PPARGC1A: variants seen among roughly 807,000 people sequenced by gnomAD.
PPARGC1A encodes PPARG coactivator 1 alpha.
Under a neutral mutation model 88.7 loss-of-function variants are expected in PPARGC1A, and 25 were observed. The ratio of observed to expected loss-of-function variants is 0.28; its 90% confidence interval spans 0.21 to 0.39. The LOEUF (loss-of-function observed/expected upper bound fraction) is 0.39. Ranked by LOEUF, PPARGC1A falls within the 10% of genes least tolerant of loss-of-function variation. The pLI is 1.00. For synonymous variants in PPARGC1A, 363 were observed against 355.6 expected (o/e 1.02, Z -0.24); for missense variants, 880 against 968.7 (o/e 0.91, Z 1.22).
At chr4:23,846,413 T>A (rs531005060) in intron 2 of PPARGC1A, among the ~76,000 whole-genome samples, 1 of 152,206 alleles carries the variant, frequency 6.6e-6, no homozygotes, top group Non-Finnish European at 1.5e-5. Flanking sequence ...TATACCATGT[T>A]GCTTATCAGG....
chr4:24,458,006 GA>G, the PPARGC1A span, among the ~76,000 whole-genome samples: 12 of 151,936 alleles, frequency 7.9e-5, no homozygotes, highest in Admixed American at 1.3e-4. Flanking sequence ...TGGAAGGAAA[GA>G]AAAAAAGGCT....
chr4:24,024,517 C>T, the PPARGC1A span, among the ~76,000 whole-genome samples: 3 of 152,108 alleles, frequency 2.0e-5, no homozygotes, highest in South Asian at 2.1e-4. Context: ...TGGGTTTTGC[C>T]TTTTCTCAAC....
the PPARGC1A span, among the ~76,000 whole-genome samples, chr4:24,387,786 A>C: frequency 1.1e-5 from 1 of 92,640 alleles, no homozygotes; most frequent in Admixed American, 1.3e-4. Context: ...GAAAGAAAGA[A>C]AGAAAGAAAG....
At chr4:24,422,287 T>C in the PPARGC1A span, among the ~76,000 whole-genome samples, 31 of 152,226 alleles carry the variant, frequency 2.0e-4, 1 homozygote, top group Admixed American at 2.0e-3. Context: ...AAGAAAAGTT[T>C]GCTGATCTTT....
chr4:23,935,646 T>C, the PPARGC1A span, among the ~76,000 whole-genome samples: 1 of 152,206 alleles, frequency 6.6e-6, no homozygotes, highest in African/African-American at 2.4e-5. Flanking sequence ...CAGTATCTTA[T>C]TTTATTACAA....
At chr4:24,402,480 A>C in the PPARGC1A span, among the ~76,000 whole-genome samples, 1 of 152,202 alleles carries the variant, frequency 6.6e-6, no homozygotes, top group South Asian at 2.1e-4. Context: ...CAATCCGATG[A>C]GGCATGGGTT....
chr4:23,955,334 T>C, the PPARGC1A span, among the ~76,000 whole-genome samples: 119 of 152,224 alleles, frequency 7.8e-4, 1 homozygote, highest in African/African-American at 2.8e-3. Context: ...ACAACATTGA[T>C]TTATGCCTTG....
At chr4:24,307,020 T>G in the PPARGC1A span, among the ~76,000 whole-genome samples, 2 of 152,242 alleles carry the variant, frequency 1.3e-5, no homozygotes, top group Non-Finnish European at 2.9e-5. Flanking sequence ...TTTACTACTT[T>G]TTTGTCTTAA....
chr4:24,359,076 TAAAG>T, the PPARGC1A span, among the ~76,000 whole-genome samples: 1 of 152,338 alleles, frequency 6.6e-6, no homozygotes, highest in Admixed American at 6.5e-5. Context: ...GTTTAAAACT[TAAAG>T]AAAGTTCACC....
Position 23,814,265 on chromosome 4 carries a change from G to A in PPARGC1A, c.1218C>T (p.Asp406=). Residue 406 remains aspartate (D), a synonymous_variant, in exon 8 of 13, where the codon GAC becomes GAT. Coordinates refer to ENST00000264867, the MANE Select transcript of PPARGC1A (RefSeq NM_013261.5). ...ILINISQELQ[D]SRQLENKDVS... The stretch of plus-strand genomic sequence containing the variant: ...CATCTTTATTTTCTAGTTGTCTAGA[G>A]TCTTGGAGCTCCTGTGATATATTAA... 1 of 1,614,052 alleles carries A rather than the reference G, an allele frequency of 6.2e-7. No homozygotes were observed. The highest frequency in any genetic ancestry group is 8.5e-7 in the Non-Finnish European group (1 of 1,179,980).
the PPARGC1A span, among the ~76,000 whole-genome samples, chr4:23,945,681 G>T: frequency 1.3e-5 from 2 of 152,294 alleles, no homozygotes; most frequent in Non-Finnish European, 2.9e-5. Context: ...GAAGCCAGGG[G>T]CAGATAGTGT....
intron 2 of PPARGC1A, among the ~76,000 whole-genome samples, chr4:23,857,795 C>T (rs560443254): frequency 1.9e-4 from 29 of 151,908 alleles, no homozygotes; most frequent in Non-Finnish European, 3.4e-4. Context: ...AACCTATTGA[C>T]ATTTGAATCG....
chr4:24,279,370 T>C, the PPARGC1A span, among the ~76,000 whole-genome samples: 43 of 152,260 alleles, frequency 2.8e-4, no homozygotes, highest in African/African-American at 9.6e-4. Flanking sequence ...TATTAACTGA[T>C]CTTTGTACAA....
the PPARGC1A span, among the ~76,000 whole-genome samples, chr4:24,230,475 C>A: frequency 2.0e-5 from 3 of 152,140 alleles, no homozygotes; most frequent in African/African-American, 4.8e-5. Flanking sequence ...GTTGACTCAC[C>A]TAAACTTTTC....
upstream of PPARGC1A, among the ~76,000 whole-genome samples, chr4:23,894,790 T>G (rs116382213): frequency 3.5e-3 from 528 of 152,252 alleles, 3 homozygotes; most frequent in African/African-American, 0.012. Flanking sequence ...TTGTACTTAT[T>G]AAGCACAGAG....
the PPARGC1A span, among the ~76,000 whole-genome samples, chr4:24,251,379 G>A: frequency 7.9e-4 from 120 of 152,138 alleles, no homozygotes; most frequent in African/African-American, 2.2e-3. Context: ...TCTTCTACAC[G>A]AACAACACTT....
At chr4:24,202,507 T>C in the PPARGC1A span, among the ~76,000 whole-genome samples, 6 of 152,196 alleles carry the variant, frequency 3.9e-5, no homozygotes, top group African/African-American at 1.2e-4. Flanking sequence ...GAGTAGAGTG[T>C]TTTGGGGTGA....
At chr4:24,207,478 T>G in the PPARGC1A span, among the ~76,000 whole-genome samples, 1 of 152,236 alleles carries the variant, frequency 6.6e-6, no homozygotes, top group Non-Finnish European at 1.5e-5. Flanking sequence ...ATTTTCCCCC[T>G]TTTTAATGTA....
the PPARGC1A span, among the ~76,000 whole-genome samples, chr4:23,949,166 A>G: frequency 2.0e-5 from 3 of 152,218 alleles, no homozygotes; most frequent in Non-Finnish European, 4.4e-5. Context: ...CAGACCACTC[A>G]GAAACTCAAG....
Sources: allele counts gnomAD v4.1 joint callset (sites outside exome capture counted in the v4.1 genomes callset), GRCh38; gene constraint gnomAD v4.1.1; transcripts MANE v1.5; gene names NCBI Gene and HGNC (gene_info 2026-07-23, HGNC 2026-07-21).